HKDC1: variants seen among roughly 807,000 people sequenced by gnomAD.
HKDC1 encodes hexokinase HKDC1.
Under a neutral mutation model 96.6 loss-of-function variants are expected in HKDC1, and 66 were observed. That is an observed-to-expected ratio of 0.68 (90% CI 0.56 to 0.84). HKDC1 has a LOEUF of 0.84. HKDC1 is among the 40% of genes least tolerant of loss of function. The pLI is 0.00. For missense variants in HKDC1, 1,211 were observed against 1,208.1 expected, an observed-to-expected ratio of 1.00 and a Z score of -0.04; for synonymous variants, 466 against 473.1, an observed-to-expected ratio of 0.98 and a Z score of 0.20.
intron 2 of HKDC1, among the ~76,000 whole-genome samples, chr10:69,228,196 C>T (rs1303036026): frequency 6.6e-6 from 1 of 152,190 alleles, no homozygotes; most frequent in African/African-American, 2.4e-5. Context: ...AGGCCACCTG[C>T]ATCCTTGAGG....
chr10:69,256,981 G>T, intron 12 of HKDC1, 55 bp from the exon 13 acceptor site: 1 of 1,309,880 alleles, frequency 7.6e-7, no homozygotes, highest in Admixed American at 1.7e-5. Context: ...TGTTGAGGTT[G>T]TGCAGTGGCC....
At chr10:69,243,500 T>A in intron 7 of HKDC1, 135 bp downstream of exon 7, 1 of 126,944 alleles carries the variant, frequency 7.9e-6, no homozygotes, top group Non-Finnish European at 1.1e-5. Flanking sequence ...TTCTTTTTCC[T>A]TTTTTTTTTT....
At chr10:69,244,909 C>CT (rs1010133741) in intron 7 of HKDC1, among the ~76,000 whole-genome samples, 16 of 149,170 alleles carry the variant, frequency 1.1e-4, no homozygotes, top group African/African-American at 1.7e-4. Flanking sequence ...TGCTCAAAGA[C>CT]TTTTTTTTTT....
intron 12 of HKDC1, among the ~76,000 whole-genome samples, chr10:69,256,312 A>G (rs957024858): frequency 6.6e-6 from 1 of 152,174 alleles, no homozygotes; most frequent in African/African-American, 2.4e-5. Flanking sequence ...ATACTGTTGG[A>G]GTTTTAGGAT....
At chr10:69,242,881 T>C (rs58261904) in intron 6 of HKDC1, among the ~76,000 whole-genome samples, 19,587 of 152,290 alleles carry the variant, frequency 0.13, 1,332 homozygotes, top group Middle Eastern at 0.17. Context: ...TATCTTCATT[T>C]GTCCTCTTGT....
Position 69,257,380 on chromosome 10 carries a change from G to A in HKDC1, c.1986G>A (p.Met662Ile). ...TGAATGATACAGTGGGGACCATGAT[G>A]ACCTGTGGCTATGAAGATCCTAATT... ...AVVNDTVGTM[M>I]TCGYEDPNCE... The change falls in exon 14 of 18, where the codon ATG (methionine) becomes ATA (isoleucine). Residue 662 changes from methionine to isoleucine, a missense_variant. Coordinates refer to ENST00000354624, the MANE Select transcript of HKDC1 (RefSeq NM_025130.4). 4 of 1,614,118 alleles carry A rather than the reference G, an allele frequency of 2.5e-6. No individual in the cohort carries two copies. The highest frequency in any genetic ancestry group is 3.4e-6 in the Non-Finnish European group (4 of 1,179,958).
At chr10:69,228,891 AAGAAAGAAAGAAAGAGAG>A (rs1169541642) in intron 2 of HKDC1, among the ~76,000 whole-genome samples, 5 of 134,676 alleles carry the variant, frequency 3.7e-5, no homozygotes, top group African/African-American at 2.0e-4. Context: ...AGGAAGAAGA[AAGAAAGAAAGAAAGAGAG>A]AGAAAGAAGA....
intron 7 of HKDC1, 50 bp downstream of exon 7, chr10:69,243,415 A>C: frequency 6.9e-7 from 1 of 1,458,224 alleles, no homozygotes; most frequent in African/African-American, 1.5e-5. Context: ...GCAGTGCCTA[A>C]TCACTCAGGT....
chr10:69,252,593 T>A (rs1003340403), intron 12 of HKDC1, among the ~76,000 whole-genome samples: 3 of 143,604 alleles, frequency 2.1e-5, no homozygotes, highest in Non-Finnish European at 4.5e-5. Context: ...TGCAGTGAGC[T>A]GAGATCGTGC....
chr10:69,223,700 C>T (rs2132327703), intron 1 of HKDC1, among the ~76,000 whole-genome samples: 1 of 150,000 alleles, frequency 6.7e-6, no homozygotes, highest in Admixed American at 6.6e-5. Flanking sequence ...ATTCTCCTGC[C>T]TCAGCCTCCT....
chr10:69,241,666 G>A (rs1843458805), intron 6 of HKDC1, among the ~76,000 whole-genome samples: 2 of 152,014 alleles, frequency 1.3e-5, no homozygotes. Context: ...TGTATTTTTA[G>A]TACAGATGGG....
At chr10:69,254,973 C>T (rs978730524) in intron 12 of HKDC1, among the ~76,000 whole-genome samples, 1 of 152,234 alleles carries the variant, frequency 6.6e-6, no homozygotes, top group Admixed American at 6.5e-5. Context: ...TTATCAGTAA[C>T]ATTTTAATTT....
chr10:69,223,665 A>T lies in HKDC1; in HGVS notation c.63+3167A>T, dbSNP rs890343295. On this transcript the variant is annotated intron_variant, in intron 1 of 17. Transcript: ENST00000354624. ...CAGTGGTGCGATCTTGGCTCACTGC[A>T]ACCTCCGCCTCCAGGGCTCAAGCGA... Among the ~76,000 whole-genome samples, 11 of 139,640 alleles carry T rather than the reference A, an allele frequency of 7.9e-5. No homozygotes were observed. In the South Asian group the frequency reaches 1.1e-3, roughly 14 times the overall value. The allele number at this position is 139,640 out of a possible 152,430, so 91.6% of individuals were successfully genotyped here.
At chr10:69,226,418 G>A (rs138254165) in intron 1 of HKDC1, among the ~76,000 whole-genome samples, 9,732 of 152,096 alleles carry the variant, frequency 0.064, 1,077 homozygotes, top group African/African-American at 0.22. Context: ...AGGCCGAGGC[G>A]TGTGGATCAC....
At chr10:69,236,015 G>C (rs1843354930) in intron 4 of HKDC1, among the ~76,000 whole-genome samples, 1 of 152,112 alleles carries the variant, frequency 6.6e-6, no homozygotes, top group South Asian at 2.1e-4. Context: ...ACAACCAAGA[G>C]TAGCCCACCC....
rs1469208100 is a variant in HKDC1 at position 69,266,675 on chromosome 10, T to C, written c.2672T>C (p.Leu891Pro). 6.2e-7 allele frequency: 1 copy of C among 1,614,174 alleles called. No individual in the cohort carries two copies. The highest frequency in any genetic ancestry group is 8.5e-7 in the Non-Finnish European group (1 of 1,179,996). ...CCTCGATGTGATGTGACATTCATGCTGTCAGAAGATGGCAGTGGAAAAGGG... is the reference window on the plus strand; with the variant it reads ...CCTCGATGTGATGTGACATTCATGCCGTCAGAAGATGGCAGTGGAAAAGGG... ...LAPRCDVTFM[L>P]SEDGSGKGAA... The change falls in exon 18 of 18, where the codon CTG (leucine) becomes CCG (proline). Residue 891 changes from leucine to proline, a missense_variant. Physicochemically the swap from Leu to Pro is moderately conservative, Grantham distance 98. Coordinates refer to ENST00000354624, the MANE Select transcript of HKDC1 (RefSeq NM_025130.4).
At chr10:69,241,455 G>A (rs951769347) in intron 6 of HKDC1, among the ~76,000 whole-genome samples, 1 of 152,160 alleles carries the variant, frequency 6.6e-6, no homozygotes, top group Non-Finnish European at 1.5e-5. Context: ...GGGACTCTGG[G>A]TGGGGGATGG....
At chr10:69,241,132 G>A (rs1192627349) in intron 6 of HKDC1, among the ~76,000 whole-genome samples, 2 of 152,200 alleles carry the variant, frequency 1.3e-5, no homozygotes, top group African/African-American at 2.4e-5. Context: ...CGTCAGGGAA[G>A]CCTCTCTGAG....
rs372986223 is a variant in HKDC1 at position 69,261,187 on chromosome 10, G to A, written c.2265G>A (p.Gln755=). 5.6e-6 allele frequency: 9 copies of A among 1,614,002 alleles called. No individual in the cohort carries two copies. In the African/African-American group the frequency reaches 1.1e-4, roughly 19 times the overall value. The part of the protein sequence containing the change: ...SGMYLGEIVR[Q]ILIDLTKQGL... ...TGTACTTGGGGGAGATTGTGCGGCA[G>A]ATCCTGATCGACCTGACCAAGCAGG... The change falls in exon 16 of 18, where the codon CAG becomes CAA. Residue 755 remains glutamine (Q), a synonymous_variant. Coordinates refer to ENST00000354624, the MANE Select transcript of HKDC1 (RefSeq NM_025130.4).
Sources: gnomAD v4.1 joint callset for allele counts (sites outside exome capture counted in the v4.1 genomes callset) on GRCh38, gnomAD v4.1.1 for gene constraint, MANE v1.5 for transcripts, NCBI Gene and HGNC (gene_info 2026-07-23, HGNC 2026-07-21) for gene names.